C4orf51: variants seen among roughly 807,000 people sequenced by gnomAD.
C4orf51 encodes the protein chromosome 4 open reading frame 51, also known as uncharacterized protein C4orf51.
In C4orf51, 25 loss-of-function variants were observed where a neutral mutation model predicts 25.2. The ratio of observed to expected loss-of-function variants is 0.99; its 90% CI spans 0.72 to 1.39. C4orf51 has a LOEUF of 1.39. C4orf51 is among the 40% of genes most tolerant of loss of function. The pLI is 0.00. For synonymous variants in C4orf51, 100 were observed against 84.5 expected, an observed-to-expected ratio of 1.18 and a Z score of -1.01; for missense variants, 252 against 239.6, an observed-to-expected ratio of 1.05 and a Z score of -0.34.
chr4:145,766,600 G>T (rs1407244948), intron 1 of C4orf51, among the ~76,000 whole-genome samples: 3 of 152,190 alleles, frequency 2.0e-5, no homozygotes, highest in Admixed American at 2.0e-4. Context: ...CGGAGTATCA[G>T]AGAGGAAGGG....
Position 145,761,615 on chromosome 4 carries a change from C to G in C4orf51, n.167-9373C>G, listed in dbSNP as rs1417846640. On this transcript the variant is annotated intron_variant and non_coding_transcript_variant, in intron 1 of 1. Transcript: ENST00000510096. This position sits in a 1 kb window ranked among gnomAD's most constrained non-coding sequence, Gnocchi z 6.8. The stretch of plus-strand genomic sequence containing the variant: ...AATGGGCACCTGCCGGGGAAAGCAA[C>G]GCAAGGGAGGTTCAGCCGGGAAGGT... The G allele has an allele frequency of 8.9e-6, 11 of 1,233,980 alleles. No homozygotes were observed. The highest frequency in any genetic ancestry group is 1.5e-5 in the African/African-American group (1 of 64,906). 76.4% of individuals were successfully genotyped at this position (1,233,980 alleles called of 1,614,324 possible).
downstream of C4orf51, chr4:145,774,539 C>G (rs138244394): frequency 6.2e-7 from 1 of 1,611,986 alleles, no homozygotes; most frequent in African/African-American, 1.3e-5. Flanking sequence ...GTCTTTATCT[C>G]TGCTTCCTCC....
chr4:145,699,496 C>T (rs1349771401), intron 2 of C4orf51, among the ~76,000 whole-genome samples: 2 of 152,118 alleles, frequency 1.3e-5, no homozygotes. Flanking sequence ...AATCTTGGCG[C>T]CACACTGCAG....
Position 145,762,351 on chromosome 4 carries a change from C to T in C4orf51, n.167-8637C>T, listed in dbSNP as rs965445947. Among the ~76,000 whole-genome samples the T allele has an allele frequency of 6.6e-6, 1 of 152,156 alleles. No homozygotes were observed. Among genetic ancestry groups the T allele is most frequent in the Non-Finnish European group, 1.5e-5 (1 of 68,032 alleles). On this transcript the variant is annotated intron_variant and non_coding_transcript_variant, in intron 1 of 1. Transcript: ENST00000510096. The surrounding 1 kb of genome is among the most constrained non-coding windows in gnomAD (Gnocchi z 4.9). ...ATGAGGAAGGGAGGAGGGAGGGAGACAACTGCTATCTGGAGCTCGAAGACA... is the reference window on the plus strand; with the variant it reads ...ATGAGGAAGGGAGGAGGGAGGGAGATAACTGCTATCTGGAGCTCGAAGACA...
chr4:145,774,660 A>G (rs777028786), downstream of C4orf51: 1 of 1,613,724 alleles, frequency 6.2e-7, no homozygotes, highest in Non-Finnish European at 8.5e-7. Flanking sequence ...TCTCAAATCC[A>G]CACACGTGAC....
chr4:145,768,853 C>A (rs1164568068), intron 1 of C4orf51, among the ~76,000 whole-genome samples: 3 of 39,584 alleles, frequency 7.6e-5, no homozygotes, highest in Admixed American at 3.9e-4. Flanking sequence ...AGCAAGACTC[C>A]GTCTCAAAAA....
At chr4:145,770,079 C>A (rs1736013274) in intron 1 of C4orf51, among the ~76,000 whole-genome samples, 1 of 152,116 alleles carries the variant, frequency 6.6e-6, no homozygotes, top group Non-Finnish European at 1.5e-5. Context: ...GGGTGAATTG[C>A]CTGAGGCCAG....
intron 2 of C4orf51, among the ~76,000 whole-genome samples, chr4:145,705,573 A>G (rs1054335514): frequency 1.3e-5 from 2 of 152,112 alleles, no homozygotes; most frequent in Admixed American, 6.6e-5. Flanking sequence ...ATTGTTCTGC[A>G]GGTCTTGGCC....
intron 2 of C4orf51, among the ~76,000 whole-genome samples, chr4:145,705,739 G>A (rs1730767586): frequency 6.6e-6 from 1 of 152,172 alleles, no homozygotes; most frequent in Non-Finnish European, 1.5e-5. Context: ...TGAATATTGA[G>A]AGGACAGTAT....
the C4orf51 span, among the ~76,000 whole-genome samples, chr4:145,787,464 GA>G: frequency 0.039 from 3,284 of 83,222 alleles, 86 homozygotes; most frequent in African/African-American, 0.099. Context: ...TCCGTCTCAG[GA>G]AAAAAAAAAA....
intron 4 of C4orf51, 97 bp downstream of exon 4, chr4:145,729,326 T>C (rs1340655405): frequency 3.0e-5 from 20 of 663,708 alleles, no homozygotes; most frequent in South Asian, 2.1e-4. Flanking sequence ...TTTTTTGAGA[T>C]GGAGTCTCAC....
downstream of C4orf51, among the ~76,000 whole-genome samples, chr4:145,757,467 G>A (rs991915262): frequency 1.3e-5 from 2 of 152,146 alleles, no homozygotes; most frequent in African/African-American, 4.8e-5. Flanking sequence ...AACCATCGCT[G>A]TTCAACACTT....
chr4:145,776,884 T>C, the C4orf51 span, among the ~76,000 whole-genome samples: 17 of 152,216 alleles, frequency 1.1e-4, no homozygotes, highest in Non-Finnish European at 2.2e-4. Context: ...CTGACAAATG[T>C]TTCAGGATCG....
the C4orf51 span, among the ~76,000 whole-genome samples, chr4:145,789,642 C>A: frequency 6.6e-6 from 1 of 152,186 alleles, no homozygotes; most frequent in Non-Finnish European, 1.5e-5. Context: ...CTTTCCCAAA[C>A]CCGAATCTGT....
chr4:145,705,111 G>GT (rs1730715450), intron 2 of C4orf51, among the ~76,000 whole-genome samples: 1 of 152,182 alleles, frequency 6.6e-6, no homozygotes, highest in South Asian at 2.1e-4. Flanking sequence ...TACTGGAGTT[G>GT]TATACATGCT....
At chr4:145,723,524 C>T (rs921622336) in intron 2 of C4orf51, among the ~76,000 whole-genome samples, 10 of 151,912 alleles carry the variant, frequency 6.6e-5, no homozygotes, top group African/African-American at 2.4e-4. Flanking sequence ...ACTTGAGCTT[C>T]TCTGATTCTG....
At chr4:145,743,413 G>A (rs986134901) in intron 1 of C4orf51, among the ~76,000 whole-genome samples, 2 of 152,106 alleles carry the variant, frequency 1.3e-5, no homozygotes, top group Non-Finnish European at 2.9e-5. Context: ...AAGGGGAAGC[G>A]GGCTTAACTC....
At chr4:145,779,307 T>C in the C4orf51 span, 394 of 1,552,138 alleles carry the variant, frequency 2.5e-4, 1 homozygote, top group African/African-American at 4.8e-3. Flanking sequence ...AGAAACTCAG[T>C]TTCCGGAGAG....
intron 2 of C4orf51, among the ~76,000 whole-genome samples, chr4:145,707,116 T>A (rs1730859323): frequency 6.6e-6 from 1 of 152,068 alleles, no homozygotes; most frequent in South Asian, 2.1e-4. Context: ...TTTTTTTTAT[T>A]TTTTAGTAGA....
Sources: allele counts gnomAD v4.1 joint callset (sites outside exome capture counted in the v4.1 genomes callset), GRCh38; gene constraint gnomAD v4.1.1; non-coding constraint Gnocchi (gnomAD v3.1); transcripts MANE v1.5; gene names NCBI Gene and HGNC (gene_info 2026-07-23, HGNC 2026-07-21).